Variants in PRKAG2 observed in about 807,000 individuals in gnomAD.
PRKAG2 encodes 5'-AMP-activated protein kinase subunit gamma-2.
PRKAG2 carries 26 observed loss-of-function variants against 69.6 expected under a neutral mutation model. That is an observed-to-expected ratio of 0.37 (90% CI 0.27 to 0.52). The LOEUF (loss-of-function observed/expected upper bound fraction) is 0.52, where lower values mean the gene tolerates loss of function less well. Ranked by LOEUF, PRKAG2 falls within the 20% of genes least tolerant of loss-of-function variation. PRKAG2 has a pLI of 0.90. For missense variants in PRKAG2, 557 were observed against 740.0 expected (o/e 0.75, Z 2.87); for synonymous variants, 293 against 285.0 (o/e 1.03, Z -0.28).
chr7:151,755,820 C>T (rs796792505), intron 3 of PRKAG2, among the ~76,000 whole-genome samples: 7 of 152,330 alleles, frequency 4.6e-5, no homozygotes, highest in East Asian at 1.9e-4. Flanking sequence ...GGGACTCTCA[C>T]GGGGGCCACG....
chr7:151,609,390 A>G (rs1026916471), intron 5 of PRKAG2, among the ~76,000 whole-genome samples: 2 of 152,204 alleles, frequency 1.3e-5, no homozygotes, highest in Non-Finnish European at 2.9e-5. Context: ...ACAGACTATC[A>G]CTAATCATTT....
chr7:151,839,818 C>T lies in PRKAG2; in HGVS notation c.114+36689G>A, dbSNP rs188445139. Among the ~76,000 whole-genome samples the T allele has an allele frequency of 4.0e-3, 603 of 152,282 alleles. 3 individuals are homozygous for T. The highest frequency in any genetic ancestry group is 5.8e-3 in the Non-Finnish European group (396 of 68,022). On this transcript the variant is annotated intron_variant, in intron 1 of 15. Transcript: ENST00000287878. ...GTCCATCCAGGGCCAGCCAGCCCAACGTAGCAGGGGCCCGCCTTCCCCAGG... is the reference window on the plus strand; with the variant it reads ...GTCCATCCAGGGCCAGCCAGCCCAATGTAGCAGGGGCCCGCCTTCCCCAGG...
At chr7:151,717,146 T>C (rs1006114954) in intron 3 of PRKAG2, among the ~76,000 whole-genome samples, 2 of 151,660 alleles carry the variant, frequency 1.3e-5, no homozygotes, top group African/African-American at 4.8e-5. Context: ...ACTCGGAAGG[T>C]TGAGGCAGGA....
intron 1 of PRKAG2, among the ~76,000 whole-genome samples, chr7:151,855,135 C>T (rs1457705411): frequency 1.5e-5 from 1 of 68,530 alleles, no homozygotes; most frequent in African/African-American, 8.3e-5. Context: ...ATCCTCCACA[C>T]ACACCACCCT....
chr7:151,870,545 C>A (rs2080195598), intron 1 of PRKAG2, among the ~76,000 whole-genome samples: 1 of 152,212 alleles, frequency 6.6e-6, no homozygotes, highest in African/African-American at 2.4e-5. Context: ...CACACAGCAT[C>A]CCCCTTCCCT....
At position 151,807,462 on chromosome 7, in the gene PRKAG2, G is replaced by A. The variant is rs2078170558; in HGVS notation, c.115-20921C>T. On this transcript the variant is annotated intron_variant, in intron 1 of 15. Coordinates refer to ENST00000287878, the MANE Select transcript of PRKAG2 (RefSeq NM_016203.4). This position sits in a 1 kb window ranked among gnomAD's most constrained non-coding sequence, Gnocchi z 4.4. Reference sequence around the variant, plus strand: ...CTCCAGTTTCAATTGGCCTCTTGGTGCCAAAGCACCATGGCGTGTTACACC... The same window carrying A: ...CTCCAGTTTCAATTGGCCTCTTGGTACCAAAGCACCATGGCGTGTTACACC... The A allele has an allele frequency of 4.4e-6, 2 of 457,718 alleles. No individual in the cohort carries two copies. The highest frequency in any genetic ancestry group is 8.8e-6 in the Non-Finnish European group (2 of 226,984). 28.4% of individuals were successfully genotyped at this position (457,718 alleles called of 1,614,324 possible).
intron 3 of PRKAG2, among the ~76,000 whole-genome samples, chr7:151,729,061 G>A (rs980342960): frequency 6.6e-6 from 1 of 151,546 alleles, no homozygotes; most frequent in Non-Finnish European, 1.5e-5. Context: ...GGAGAGCTGG[G>A]CCACTTGTCC....
In PRKAG2 at chr7:151,850,012, G is replaced by A. The variant is rs920329008; in HGVS notation, c.114+26495C>T. Reference sequence around the variant, plus strand: ...GCCCGCAGCACGTTTGCCATTTTCCGGAGCGTGCTGTAGCTAGGCACAGAG... The same window carrying A: ...GCCCGCAGCACGTTTGCCATTTTCCAGAGCGTGCTGTAGCTAGGCACAGAG... On this transcript the variant is annotated intron_variant, in intron 1 of 15. Transcript: ENST00000287878. This position sits in a 1 kb window ranked among gnomAD's most constrained non-coding sequence, Gnocchi z 4.1. 3.3e-5 allele frequency among the ~76,000 whole-genome samples: 5 copies of A among 152,158 alleles called. No individual in the cohort carries two copies. The highest frequency in any genetic ancestry group is 7.2e-5 in the African/African-American group (3 of 41,424).
intron 1 of PRKAG2, among the ~76,000 whole-genome samples, chr7:151,845,601 G>T (rs545314260): frequency 2.6e-5 from 4 of 152,140 alleles, no homozygotes; most frequent in East Asian, 1.9e-4. Flanking sequence ...ACTGACTCGT[G>T]GGGGAGGCGC....
chr7:151,795,762 C>A (rs2077471336), intron 1 of PRKAG2, among the ~76,000 whole-genome samples: 1 of 150,006 alleles, frequency 6.7e-6, no homozygotes, highest in African/African-American at 2.5e-5. Flanking sequence ...GCATCGACTG[C>A]CTGAGCTTCT....
At chr7:151,688,072 A>G (rs1835048108) in intron 3 of PRKAG2, among the ~76,000 whole-genome samples, 1 of 135,790 alleles carries the variant, frequency 7.4e-6, no homozygotes, top group South Asian at 2.4e-4. Context: ...CTGAGTCAGC[A>G]TGGTGACTAC....
At chr7:151,680,762 C>T (rs926786375) in intron 3 of PRKAG2, among the ~76,000 whole-genome samples, 1 of 152,362 alleles carries the variant, frequency 6.6e-6, no homozygotes, top group South Asian at 2.1e-4. Context: ...GACGCGCCCC[C>T]CAGCTCTGTG....
chr7:151,642,893 A>G (rs1826962279), intron 4 of PRKAG2, among the ~76,000 whole-genome samples: 1 of 152,238 alleles, frequency 6.6e-6, no homozygotes, highest in Admixed American at 6.5e-5. Flanking sequence ...CATTCAGCAA[A>G]TACTTACTTA....
At chr7:151,635,148 A>G (rs1418028760) in intron 4 of PRKAG2, among the ~76,000 whole-genome samples, 6 of 152,162 alleles carry the variant, frequency 3.9e-5, no homozygotes, top group South Asian at 2.1e-4. Context: ...ATGAGGTTTC[A>G]CCATATTGGT....
chr7:151,724,612 G>A (rs1009699436), intron 3 of PRKAG2, among the ~76,000 whole-genome samples: 18 of 152,040 alleles, frequency 1.2e-4, no homozygotes, highest in African/African-American at 3.9e-4. Context: ...GCTCCCTCCC[G>A]GCACTTCCCG....
rs2151794824 is a variant in PRKAG2 at position 151,777,040 on chromosome 7, C to T, written c.466+4112G>A. Among the ~76,000 whole-genome samples, 1 of 152,300 alleles carries T rather than the reference C, an allele frequency of 6.6e-6. No homozygotes were observed. Among genetic ancestry groups the T allele is most frequent in the African/African-American group, 2.4e-5 (1 of 41,568 alleles). On this transcript the variant is annotated intron_variant, in intron 3 of 15. Transcript: ENST00000287878. This position sits in a 1 kb window ranked among gnomAD's most constrained non-coding sequence, Gnocchi z 4.3. ...GCCCGCAGCTGGAGCTCCTGCAGTA[C>T]AGGAGATGGGTTGGGGGACTCACTC... is the stretch of plus-strand genomic sequence containing the variant.
At chr7:151,686,637 C>T (rs909273908) in intron 3 of PRKAG2, among the ~76,000 whole-genome samples, 6 of 152,226 alleles carry the variant, frequency 3.9e-5, no homozygotes, top group Admixed American at 3.9e-4. Context: ...AAGTTTCACA[C>T]CCGCCTGGTG....
intron 1 of PRKAG2, among the ~76,000 whole-genome samples, chr7:151,831,096 A>G (rs540432339): frequency 4.6e-5 from 7 of 152,166 alleles, no homozygotes; most frequent in Non-Finnish European, 7.4e-5. Flanking sequence ...TGACAAGGAT[A>G]CAAATAAATT....
chr7:151,876,954 C>T lies in PRKAG2; in HGVS notation c.-334G>A. ...CTTTTGCAAAGCTAAGAAACATTTT[C>T]CACCCTCTCGGCTCCTCCCACAGAT... is the stretch of plus-strand genomic sequence containing the variant. On this transcript the variant is annotated 5_prime_UTR_variant, in exon 1 of 16. An upstream open reading frame in the 5' UTR gains an earlier in-frame stop. Transcript: ENST00000287878. The T allele has an allele frequency of 2.4e-6, 1 of 412,382 alleles. No homozygotes were observed. The highest frequency in any genetic ancestry group is 2.3e-5 in the South Asian group (1 of 43,680). The allele number at this position is 412,382 out of a possible 1,614,324, so 25.5% of individuals were successfully genotyped here.
Sources: gnomAD v4.1 joint callset for allele counts (sites outside exome capture counted in the v4.1 genomes callset) on GRCh38, gnomAD v4.1.1 for gene constraint, Gnocchi (gnomAD v3.1) non-coding constraint, MANE v1.5 for transcripts, NCBI Gene and HGNC (gene_info 2026-07-23, HGNC 2026-07-21) for gene names.